Variants in VEPH1 observed in about 807,000 individuals in gnomAD.
VEPH1 encodes ventricular zone-expressed PH domain-containing protein homolog 1.
VEPH1 carries 80 observed loss-of-function variants against 85.2 expected under a neutral mutation model. That is an observed-to-expected ratio of 0.94 (90% CI 0.78 to 1.13). The LOEUF is 1.13. VEPH1 is among the 50% of genes most tolerant of loss of function. The probability of loss-of-function intolerance (pLI) is 0.00; values close to 1 mark genes in which losing one functional copy is unlikely to be tolerated. For missense variants in VEPH1, 955 were observed against 980.5 expected (o/e 0.97, Z 0.35); for synonymous variants, 297 against 348.0 (o/e 0.85, Z 1.63).
chr3:157,428,186 G>A, intron 5 of VEPH1, 136 bp downstream of exon 5: 5 of 842,892 alleles, frequency 5.9e-6, no homozygotes, highest in Non-Finnish European at 8.7e-6. Context: ...AACAGAGTAA[G>A]TAGATGAGCG....
At chr3:157,418,738 T>C (rs976360178) in intron 5 of VEPH1, among the ~76,000 whole-genome samples, 32 of 152,168 alleles carry the variant, frequency 2.1e-4, no homozygotes, top group Non-Finnish European at 4.1e-4. Flanking sequence ...GAATCAGTAT[T>C]GTGAAAATGG....
intron 4 of VEPH1, among the ~76,000 whole-genome samples, chr3:157,448,112 G>GC (rs1348650106): frequency 7.4e-6 from 1 of 134,382 alleles, no homozygotes; most frequent in East Asian, 2.7e-4. Flanking sequence ...ATATTAAATG[G>GC]GGGGGGGACA....
intron 7 of VEPH1, among the ~76,000 whole-genome samples, chr3:157,366,267 T>C (rs538129660): frequency 6.6e-6 from 1 of 152,340 alleles, no homozygotes; most frequent in African/African-American, 2.4e-5. Flanking sequence ...TGTGTGCATT[T>C]ACTTGGCTGT....
At chr3:157,420,982 G>A (rs967117111) in intron 5 of VEPH1, among the ~76,000 whole-genome samples, 1 of 152,184 alleles carries the variant, frequency 6.6e-6, no homozygotes, top group African/African-American at 2.4e-5. Flanking sequence ...AGGCCACTTG[G>A]AAAGTTGATC....
rs935613750 is a variant in VEPH1 at position 157,476,515 on chromosome 3, A to G, written c.139-5986T>C. Among the ~76,000 whole-genome samples the G allele has an allele frequency of 4.8e-5, 7 of 144,528 alleles. 1 individual carries two copies. The highest frequency in any genetic ancestry group is 1.7e-4 in the African/African-American group (7 of 40,036). 94.8% of individuals were successfully genotyped at this position (144,528 alleles called of 152,430 possible). A position where few individuals can be genotyped will look rare whatever the true frequency, so the allele number is the denominator to read the frequency against. ...GGACTCACTGGTTCTATCACATACC[A>G]TAACTTCTTCTGCCCCCACCCCAAT... On this transcript the variant is annotated intron_variant, in intron 2 of 13. Transcript: ENST00000362010.
chr3:157,487,815 C>G (rs1738790152), intron 2 of VEPH1, among the ~76,000 whole-genome samples: 1 of 152,054 alleles, frequency 6.6e-6, no homozygotes, highest in Admixed American at 6.6e-5. Flanking sequence ...ATAGGATTAT[C>G]TCAAGAGGAT....
chr3:157,406,638 C>A (rs981763535), intron 6 of VEPH1, among the ~76,000 whole-genome samples: 17 of 152,108 alleles, frequency 1.1e-4, no homozygotes, highest in Non-Finnish European at 1.5e-5. Flanking sequence ...TTAACACACA[C>A]GATGGCAGTG....
chr3:157,378,856 C>G (rs935901548), intron 7 of VEPH1, among the ~76,000 whole-genome samples: 3 of 152,124 alleles, frequency 2.0e-5, no homozygotes, highest in Non-Finnish European at 2.9e-5. Context: ...ATCCACCCCC[C>G]TCTTCTTCTT....
chr3:157,346,448 C>T (rs2108679296), intron 9 of VEPH1, among the ~76,000 whole-genome samples: 1 of 152,134 alleles, frequency 6.6e-6, no homozygotes, highest in East Asian at 1.9e-4. Context: ...GTTTGAAAGA[C>T]CAGTTTCTAA....
chr3:157,350,889 G>T (rs1307731831), intron 9 of VEPH1, among the ~76,000 whole-genome samples: 1 of 152,196 alleles, frequency 6.6e-6, no homozygotes, highest in Non-Finnish European at 1.5e-5. Context: ...TGGTGAGGAT[G>T]CAGAGAAAAG....
At chr3:157,461,296 T>C (rs1288859343) in intron 3 of VEPH1, among the ~76,000 whole-genome samples, 1 of 152,192 alleles carries the variant, frequency 6.6e-6, no homozygotes, top group Non-Finnish European at 1.5e-5. Context: ...CAAATTGTTT[T>C]CTTAAAAATG....
At chr3:157,447,190 A>G (rs538978011) in intron 4 of VEPH1, among the ~76,000 whole-genome samples, 1 of 152,336 alleles carries the variant, frequency 6.6e-6, no homozygotes, top group Admixed American at 6.5e-5. Context: ...ACAAATGTCC[A>G]AATCTATGCA....
rs866627569 is a variant in VEPH1, at chr3:157,331,702, G to A, written c.1736-14501C>T. ...CTTTCATGGTTTGTGTATGTTCAAT[G>A]ATAATCAGGCAAATAAATAATAAGA... On this transcript the variant is annotated intron_variant, in intron 9 of 13. Transcript: ENST00000362010. 4.0e-4 allele frequency among the ~76,000 whole-genome samples: 61 copies of A among 152,284 alleles called. 1 individual carries two copies. The highest frequency in any genetic ancestry group is 2.1e-3 in the Admixed American group (32 of 15,294).
chr3:157,476,293 T>G (rs1239257767), intron 2 of VEPH1, among the ~76,000 whole-genome samples: 1 of 152,210 alleles, frequency 6.6e-6, no homozygotes, highest in Non-Finnish European at 1.5e-5. Context: ...GGAAGGGACA[T>G]CAATCATATT....
chr3:157,311,477 A>C (rs1437802540), intron 11 of VEPH1, among the ~76,000 whole-genome samples: 1 of 152,238 alleles, frequency 6.6e-6, no homozygotes, highest in East Asian at 1.9e-4. Flanking sequence ...AAAAAATCGG[A>C]AAAAATCTAC....
At chr3:157,386,577 G>A (rs770712599) in intron 6 of VEPH1, among the ~76,000 whole-genome samples, 34 of 152,154 alleles carry the variant, frequency 2.2e-4, no homozygotes, top group Admixed American at 9.2e-4. Context: ...TTTTTGTCAC[G>A]ACTAGGAGAA....
intron 9 of VEPH1, among the ~76,000 whole-genome samples, chr3:157,333,461 T>G (rs1722682231): frequency 6.6e-6 from 1 of 152,250 alleles, no homozygotes; most frequent in South Asian, 2.1e-4. Context: ...TGGGATATTT[T>G]CAGAGGAGTT....
In VEPH1 at chr3:157,495,217, A is replaced by T. The variant is rs1296855565; in HGVS notation, c.133T>A (p.Ser45Thr). The change falls in exon 2 of 14, where the codon TCT becomes ACT. Residue 45 changes from serine to threonine, a missense_variant. Ser to Thr is a moderately conservative substitution (Grantham distance 58, BLOSUM62 1). Coordinates refer to ENST00000362010, the MANE Select transcript of VEPH1 (RefSeq NM_001167912.2). ...CTATAAACCAGTTTACTTACTGAAGATGAGCTAATTATCTTAATTTGCTCC... is the reference window on the plus strand; with the variant it reads ...CTATAAACCAGTTTACTTACTGAAGTTGAGCTAATTATCTTAATTTGCTCC... ...ALEQIKIISS[S>T]SDYQTNNNDQ... 1 of 1,613,874 alleles carries T rather than the reference A, an allele frequency of 6.2e-7. No homozygotes were observed. Among genetic ancestry groups the T allele is most frequent in the Admixed American group, 1.7e-5 (1 of 60,018 alleles).
chr3:157,432,816 A>G (rs1733271604), intron 4 of VEPH1, among the ~76,000 whole-genome samples: 1 of 152,158 alleles, frequency 6.6e-6, no homozygotes, highest in Non-Finnish European at 1.5e-5. Context: ...TTTCATATTG[A>G]ACATATTGAC....
Sources: gnomAD v4.1 joint callset for allele counts (sites outside exome capture counted in the v4.1 genomes callset) on GRCh38, gnomAD v4.1.1 for gene constraint, MANE v1.5 for transcripts, NCBI Gene and HGNC (gene_info 2026-07-23, HGNC 2026-07-21) for gene names.